Variants in ZSCAN12 observed in about 807,000 individuals in gnomAD.
The protein encoded by ZSCAN12 is zinc finger and SCAN domain-containing protein 12.
A neutral mutation model predicts 23.4 loss-of-function variants in ZSCAN12; 18 were observed. The observed-to-expected ratio is 0.77, with a 90% CI of 0.53 to 1.14. The LOEUF (loss-of-function observed/expected upper bound fraction) is 1.14. Among genes scored for constraint, ZSCAN12 ranks in the 50% most tolerant of loss-of-function variants. ZSCAN12 has a pLI of 0.00. For synonymous variants in ZSCAN12, 186 were observed against 253.4 expected (o/e 0.73, Z 2.53); for missense variants, 650 against 735.0 (o/e 0.88, Z 1.34).
intron 2 of ZSCAN12, among the ~76,000 whole-genome samples, chr6:28,394,518 G>T (rs149569924): frequency 6.6e-6 from 1 of 152,034 alleles, no homozygotes; most frequent in Non-Finnish European, 1.5e-5. Flanking sequence ...CTCATATTTT[G>T]AAAAAAGAAA....
rs1760522789 is a variant in ZSCAN12, at chr6:28,385,999, A to G, written c.*4455T>C. ...CCCACTGTCTTTCCTCATTAGCTTCATCTCGTACCTCAAACTCTGGCAACC... is the reference window on the plus strand; with the variant it reads ...CCCACTGTCTTTCCTCATTAGCTTCGTCTCGTACCTCAAACTCTGGCAACC... On this transcript the variant is annotated 3_prime_UTR_variant, in exon 4 of 4. Coordinates refer to ENST00000684592, the MANE Select transcript of ZSCAN12 (RefSeq NM_001163391.2). Among the ~76,000 whole-genome samples, 1 of 152,170 alleles carries G rather than the reference A, an allele frequency of 6.6e-6. No homozygotes were observed. The highest frequency in any genetic ancestry group is 1.5e-5 in the Non-Finnish European group (1 of 68,036).
chr6:28,395,498 C>T (rs1430205899), intron 2 of ZSCAN12, among the ~76,000 whole-genome samples: 1 of 152,180 alleles, frequency 6.6e-6, no homozygotes, highest in Non-Finnish European at 1.5e-5. Context: ...ATATCTCTTG[C>T]CTGGATTATT....
Position 28,391,782 on chromosome 6 carries a change from A to C in ZSCAN12, c.548-40T>G, listed in dbSNP as rs896359262. On this transcript the variant is annotated intron_variant, in intron 3 of 3. Transcript: ENST00000684592. This position sits in a 1 kb window ranked among gnomAD's most constrained non-coding sequence, Gnocchi z 4.1. ...TAAATGTTACCTCTTTCTACCTTTA[A>C]AATGTATCCATACATTTTAATATTA... 3 of 1,404,622 alleles carry C rather than the reference A, an allele frequency of 2.1e-6. No homozygotes were observed. The highest frequency in any genetic ancestry group is 2.8e-5 in the Admixed American group (1 of 36,270). 87.0% of individuals were successfully genotyped at this position (1,404,622 alleles called of 1,614,324 possible).
chr6:28,391,545 C>G lies in ZSCAN12; in HGVS notation c.745G>C (p.Asp249His), dbSNP rs1760834287. 1 of 1,552,112 alleles carries G rather than the reference C, an allele frequency of 6.4e-7. No individual in the cohort carries two copies. The highest frequency in any genetic ancestry group is 2.0e-5 in the Admixed American group (1 of 50,992). Residue 249 changes from aspartate (D) to histidine (H), a missense_variant, in exon 4 of 4, where the codon GAT becomes CAT. By Grantham distance (81) the Asp-to-His change is moderately conservative (BLOSUM62 -1). Transcript: ENST00000684592. The surrounding 1 kb of genome is among the most constrained non-coding windows in gnomAD (Gnocchi z 4.1). ...CSREDKQPTC[D>H]ENGVSLTENS... Reference sequence around the variant, plus strand: ...TCAGTCAGGCTTACTCCATTTTCATCACAGGTAGGTTGTTTATCTTCTCTG... The same window carrying G: ...TCAGTCAGGCTTACTCCATTTTCATGACAGGTAGGTTGTTTATCTTCTCTG...
downstream of ZSCAN12, among the ~76,000 whole-genome samples, chr6:28,384,606 C>A (rs1760450950): frequency 6.6e-6 from 1 of 152,122 alleles, no homozygotes; most frequent in African/African-American, 2.4e-5. Flanking sequence ...GATGGTCTTA[C>A]AATGTAAGCT....
exon 5 of ZSCAN12, chr6:28,379,658 C>T (rs1359977443): frequency 6.6e-6 from 1 of 150,818 alleles, no homozygotes; most frequent in African/African-American, 2.4e-5. Context: ...TGAAGGGACA[C>T]CTACACGGTC....
In ZSCAN12 at chr6:28,388,535, AAG is replaced by A. The variant is rs1760659662; in HGVS notation, c.*1917_*1918del. ...ATACAGGGTTTATGGCTAGAGAGGC[AAG>A]AGACAGGGGCACTAAGAAAATGGGG... On this transcript the variant is annotated 3_prime_UTR_variant, in exon 4 of 4. Transcript: ENST00000684592. Among the ~76,000 whole-genome samples, 1 of 152,208 alleles carries A rather than the reference AAG, an allele frequency of 6.6e-6. No individual in the cohort carries two copies. Among genetic ancestry groups the A allele is most frequent in the South Asian group, 2.1e-4 (1 of 4,828 alleles).
chr6:28,392,793 A>G lies in ZSCAN12; in HGVS notation c.547+109T>C, dbSNP rs138037080. On this transcript the variant is annotated intron_variant, in intron 3 of 3. Coordinates refer to ENST00000684592, the MANE Select transcript of ZSCAN12 (RefSeq NM_001163391.2). ...TATATATGAGCCATCAGATTCTGAGACGGCCTTTTTGACTTTAATGATCAG... is the reference window on the plus strand; with the variant it reads ...TATATATGAGCCATCAGATTCTGAGGCGGCCTTTTTGACTTTAATGATCAG... The G allele has an allele frequency of 2.0e-3, 2,445 of 1,241,698 alleles. 21 individuals carry two copies. In the African/African-American group the frequency reaches 0.023, roughly 12 times the overall value. 76.9% of individuals were successfully genotyped at this position (1,241,698 alleles called of 1,614,324 possible). A position where few individuals can be genotyped will look rare whatever the true frequency, so the allele number is the denominator to read the frequency against.
exon 5 of ZSCAN12, chr6:28,379,119 T>C (rs1172790554): frequency 6.6e-6 from 1 of 152,174 alleles, no homozygotes; most frequent in African/African-American, 2.4e-5. Flanking sequence ...TACTCTCCTA[T>C]CATGGGTAGA....
At chr6:28,397,152 G>C (rs1761150872) in intron 2 of ZSCAN12, among the ~76,000 whole-genome samples, 1 of 151,802 alleles carries the variant, frequency 6.6e-6, no homozygotes, top group Non-Finnish European at 1.5e-5. Flanking sequence ...CTACCCACTA[G>C]ATACTAGCAG....
At chr6:28,383,505 C>T (rs935077071), downstream of ZSCAN12, among the ~76,000 whole-genome samples, 2 of 152,084 alleles carry the variant, frequency 1.3e-5, no homozygotes, top group Non-Finnish European at 2.9e-5. Flanking sequence ...CGGCCGAACC[C>T]CGCCCCAGCT....
intron 2 of ZSCAN12, among the ~76,000 whole-genome samples, chr6:28,393,565 A>T (rs1242943509): frequency 6.6e-6 from 1 of 151,608 alleles, no homozygotes; most frequent in Non-Finnish European, 1.5e-5. Context: ...ATATAGCAAG[A>T]CCCCATCTCT....
chr6:28,381,812 T>C (rs1393773177), downstream of ZSCAN12: 2 of 152,216 alleles, frequency 1.3e-5, no homozygotes, highest in Non-Finnish European at 2.9e-5. Context: ...TGTTATATCA[T>C]TTAGCCTGAG....
Position 28,391,454 on chromosome 6 carries a change from C to T in ZSCAN12, c.836G>A (p.Cys279Tyr), listed in dbSNP as rs1760828343. 3 of 1,551,848 alleles carry T rather than the reference C, an allele frequency of 1.9e-6. No homozygotes were observed. The South Asian group carries it at 3.6e-5, about 18-fold the overall frequency. The change falls in exon 4 of 4, where the codon TGT (cysteine) becomes TAT (tyrosine). Residue 279 changes from cysteine (C) to tyrosine (Y), a missense_variant. Cys to Tyr is a radical substitution (Grantham distance 194, BLOSUM62 -2). Transcript: ENST00000684592. The surrounding 1 kb of genome is among the most constrained non-coding windows in gnomAD (Gnocchi z 4.1). ...TGAGTGCTGACTAAAAGCTTTTCCA[C>T]AGTCATCACATCCGTAAGATTCTTC... is the stretch of plus-strand genomic sequence containing the variant. ...PGEESYGCDD[C>Y]GKAFSQHSHL...
chr6:28,390,948 C>T lies in ZSCAN12; in HGVS notation c.1342G>A (p.Gly448Arg). Residue 448 changes from glycine to arginine, a missense_variant, in exon 4 of 4, where the codon GGG becomes AGG. Transcript: ENST00000684592. ...AGGCCACTCTGACTGAAGGATTTCC[C>T]ACATTCCTTACACTGATAGCATTTT... ...KEKCYQCKEC[G>R]KSFSQSGLIQ... 1.3e-6 allele frequency: 2 copies of T among 1,558,912 alleles called. No individual in the cohort carries two copies. The highest frequency in any genetic ancestry group is 1.7e-6 in the Non-Finnish European group (2 of 1,150,984).
Position 28,398,204 on chromosome 6 carries a change from G to C in ZSCAN12, c.202C>G (p.Arg68Gly). The C allele has an allele frequency of 1.2e-6, 2 of 1,614,026 alleles. No individual in the cohort carries two copies. Among genetic ancestry groups the C allele is most frequent in the Non-Finnish European group, 1.7e-6 (2 of 1,179,972 alleles). Residue 68 changes from arginine (R) to glycine (G), a missense_variant, in exon 2 of 4, where the codon CGA becomes GGA. Coordinates refer to ENST00000684592, the MANE Select transcript of ZSCAN12 (RefSeq NM_001163391.2). ...CTCAGCCACTGATGGCAAAGTTCTC[G>C]GAGTCGGCTCAAAGCCTCACGGGGA... is the stretch of plus-strand genomic sequence containing the variant. ...SGPREALSRL[R>G]ELCHQWLRPE...
At chr6:28,395,769 A>G (rs1280282218) in intron 2 of ZSCAN12, among the ~76,000 whole-genome samples, 1 of 152,100 alleles carries the variant, frequency 6.6e-6, no homozygotes, top group African/African-American at 2.4e-5. Flanking sequence ...TGACAACCAC[A>G]TCTCCACCAT....
chr6:28,382,587 T>A (rs377532211), downstream of ZSCAN12: 602 of 1,551,704 alleles, frequency 3.9e-4, no homozygotes, highest in Non-Finnish European at 5.0e-4. Flanking sequence ...TTCAGAAGTA[T>A]TTCCTTGTAG....
intron 2 of ZSCAN12, among the ~76,000 whole-genome samples, chr6:28,396,935 G>T (rs1182327792): frequency 3.3e-5 from 5 of 152,032 alleles, no homozygotes; most frequent in African/African-American, 1.2e-4. Flanking sequence ...AGATATTTTT[G>T]CCACATGTTC....
Sources: gnomAD v4.1 joint callset for allele counts (sites outside exome capture counted in the v4.1 genomes callset) on GRCh38, gnomAD v4.1.1 for gene constraint, Gnocchi (gnomAD v3.1) non-coding constraint, MANE v1.5 for transcripts, NCBI Gene and HGNC (gene_info 2026-07-23, HGNC 2026-07-21) for gene names.